TBC1D30: variants seen among roughly 807,000 people sequenced by gnomAD.
The protein encoded by TBC1D30 is TBC1 domain family, member 30.
A neutral mutation model predicts 63.2 loss-of-function variants in TBC1D30; 31 were observed. The ratio of observed to expected loss-of-function variants is 0.49; its 90% CI spans 0.37 to 0.66. TBC1D30 has a LOEUF of 0.66. Ranked by LOEUF, TBC1D30 falls within the 30% of genes least tolerant of loss-of-function variation. The probability of loss-of-function intolerance (pLI) is 0.00; values close to 1 mark genes in which losing one functional copy is unlikely to be tolerated. For synonymous variants in TBC1D30, 307 were observed against 361.5 expected (o/e 0.85, Z 1.71); for missense variants, 810 against 953.6 (o/e 0.85, Z 1.98).
At position 64,816,568 on chromosome 12, in the gene TBC1D30, G is replaced by A. The variant is rs185912591; in HGVS notation, c.644-11267G>A. ...TTAAATTGGTCTCAGAGAATTCTAG[G>A]GTTGGAAGCTGCTCTACTGGTATTG... is the stretch of plus-strand genomic sequence containing the variant. On this transcript the variant is annotated intron_variant, in intron 2 of 12. Coordinates refer to the TBC1D30 transcript ENST00000542120. 6.6e-3 allele frequency among the ~76,000 whole-genome samples: 1,001 copies of A among 152,258 alleles called. 7 individuals are homozygous for A. The highest frequency in any genetic ancestry group is 0.017 in the Middle Eastern group (5 of 294).
chr12:64,829,698 C>A (rs1874670811), intron 3 of TBC1D30, among the ~76,000 whole-genome samples: 2 of 152,282 alleles, frequency 1.3e-5, no homozygotes, highest in Admixed American at 1.3e-4. Context: ...AATACCAAAA[C>A]TTGAAATACA....
chr12:64,835,316 A>G (rs1042010368), intron 5 of TBC1D30, among the ~76,000 whole-genome samples: 3 of 152,132 alleles, frequency 2.0e-5, no homozygotes, highest in Non-Finnish European at 4.4e-5. Flanking sequence ...GTGACCCTGA[A>G]AAGTGGAAAT....
At chr12:64,796,142 A>AG (rs1216687019) in intron 2 of TBC1D30, among the ~76,000 whole-genome samples, 3 of 147,814 alleles carry the variant, frequency 2.0e-5, no homozygotes, top group African/African-American at 7.6e-5. Context: ...TAAAGTTAAG[A>AG]GTTTTTTTTT....
At chr12:64,782,771 C>T (rs181734716) in intron 1 of TBC1D30, among the ~76,000 whole-genome samples, 13 of 152,274 alleles carry the variant, frequency 8.5e-5, no homozygotes, top group Admixed American at 7.8e-4. Context: ...TGTAATAGTT[C>T]GTTTTGCCTG....
exon 1 of TBC1D30, chr12:64,780,774 A>G: frequency 2.0e-6 from 2 of 988,410 alleles, no homozygotes; most frequent in Non-Finnish European, 2.4e-6. Flanking sequence ...AGGCGGGAGG[A>G]GCAGCGGGAG....
chr12:64,842,504 T>G (rs182823253), intron 7 of TBC1D30, among the ~76,000 whole-genome samples: 452 of 152,340 alleles, frequency 3.0e-3, no homozygotes, highest in African/African-American at 0.01. Flanking sequence ...GATTCTTTAT[T>G]TACATGTAGA....
rs572586487 is a variant in TBC1D30 at position 64,880,275 on chromosome 12, C to G, written c.*4487C>G. ...GGGACTGGTACTGTAGGTATTGGGTCAGCTTTCATGCCGTTCCCTGCTGGC... is the reference window on the plus strand; with the variant it reads ...GGGACTGGTACTGTAGGTATTGGGTGAGCTTTCATGCCGTTCCCTGCTGGC... On this transcript the variant is annotated 3_prime_UTR_variant, in exon 12 of 12. Transcript: ENST00000539867. 16 of 152,426 alleles carry G rather than the reference C, an allele frequency of 1.0e-4. No individual in the cohort carries two copies. The highest frequency in any genetic ancestry group is 3.6e-4 in the African/African-American group (15 of 41,564). The allele number at this position is 152,426 out of a possible 1,614,324, so 9.4% of individuals were successfully genotyped here.
intron 2 of TBC1D30, among the ~76,000 whole-genome samples, chr12:64,801,757 A>G (rs1480180648): frequency 6.6e-6 from 1 of 152,252 alleles, no homozygotes; most frequent in African/African-American, 2.4e-5. Context: ...CATTCTAGTT[A>G]GAAAGACTGA....
chr12:64,828,040 G>T, intron 2 of TBC1D30, 144 bp downstream of exon 2: 1 of 675,470 alleles, frequency 1.5e-6, no homozygotes, highest in South Asian at 2.1e-5. Context: ...AGTAGCTTTT[G>T]AGCTACAAGT....
intron 2 of TBC1D30, among the ~76,000 whole-genome samples, chr12:64,793,742 A>G (rs1290087450): frequency 6.6e-6 from 1 of 152,198 alleles, no homozygotes; most frequent in African/African-American, 2.4e-5. Flanking sequence ...TCCTTCAGTT[A>G]GAAAGATGGT....
At chr12:64,859,284 C>T (rs1267039055) in intron 8 of TBC1D30, among the ~76,000 whole-genome samples, 1 of 152,088 alleles carries the variant, frequency 6.6e-6, no homozygotes, top group Non-Finnish European at 1.5e-5. Flanking sequence ...TCATGAAAGA[C>T]CACAATGCCT....
intron 2 of TBC1D30, among the ~76,000 whole-genome samples, chr12:64,798,372 T>C (rs1872400449): frequency 6.6e-6 from 1 of 152,226 alleles, no homozygotes; most frequent in Middle Eastern, 3.2e-3. Flanking sequence ...ATCTTTCCAA[T>C]ATAATCAGCT....
intron 8 of TBC1D30, 88 bp from the exon 9 acceptor site, chr12:64,864,580 C>T: frequency 1.1e-6 from 1 of 904,302 alleles, no homozygotes; most frequent in Non-Finnish European, 1.7e-6. Flanking sequence ...TCACACTCGA[C>T]TTCATAAAAC....
At position 64,838,806 on chromosome 12, in the gene TBC1D30, A is replaced by C; in HGVS notation, c.887A>C (p.Glu296Ala). Reference sequence around the variant, plus strand: ...GATTCAGTCTTCTTTGAAGGTTCAGAAATCATCCTAAGGGTGTCGCTGGCT... The same window carrying C: ...GATTCAGTCTTCTTTGAAGGTTCAGCAATCATCCTAAGGGTGTCGCTGGCT... The part of the protein sequence containing the change: ...IWDSVFFEGS[E>A]IILRVSLAIW... Residue 296 changes from glutamate to alanine, a missense_variant, in exon 7 of 12, where the codon GAA (glutamate) becomes GCA (alanine). Around this residue, in one of 4 missense-constraint regions of TBC1D30, gnomAD observed 83 missense variants for 121.5 expected, o/e 0.68. Transcript: ENST00000539867. 6.5e-7 allele frequency: 1 copy of C among 1,536,178 alleles called. No individual in the cohort carries two copies. The highest frequency in any genetic ancestry group is 8.7e-7 in the Non-Finnish European group (1 of 1,146,914).
rs189829589 is a variant in TBC1D30 at position 64,848,209 on chromosome 12, C to T, written c.1038+4724C>T. Among the ~76,000 whole-genome samples, 18 of 151,796 alleles carry T rather than the reference C, an allele frequency of 1.2e-4. No individual in the cohort carries two copies. In the East Asian group the frequency reaches 3.5e-3, roughly 29 times the overall value. ...GATGGAAGTATAGCTACTCCTGCTC[C>T]TTTTTTGCTTTCCATTGGCATGGAA... On this transcript the variant is annotated intron_variant, in intron 8 of 11. Transcript: ENST00000539867.
chr12:64,762,857 AT>A (rs1277621762), intron 1 of TBC1D30, among the ~76,000 whole-genome samples: 5 of 152,014 alleles, frequency 3.3e-5, no homozygotes, highest in African/African-American at 1.2e-4. Context: ...CAGAAAAATT[AT>A]TTTTCACCTC....
chr12:64,793,489 CAAAA>C (rs56138627), intron 2 of TBC1D30, among the ~76,000 whole-genome samples: 2 of 115,488 alleles, frequency 1.7e-5, no homozygotes, highest in Non-Finnish European at 1.8e-5. Context: ...ACCAAAAATA[CAAAA>C]AAAAAAAAAA....
chr12:64,824,287 A>C (rs1252841082), upstream of TBC1D30, among the ~76,000 whole-genome samples: 2 of 152,124 alleles, frequency 1.3e-5, no homozygotes, highest in East Asian at 3.9e-4. Context: ...TTCGGGCTGA[A>C]GCGTGTGCCT....
intron 8 of TBC1D30, among the ~76,000 whole-genome samples, chr12:64,845,090 T>C (rs1015044791): frequency 4.6e-5 from 7 of 152,244 alleles, no homozygotes; most frequent in Admixed American, 1.3e-4. Flanking sequence ...GGAGTGCAGA[T>C]ACTGTTTTGA....
Sources: gnomAD v4.1 joint callset for allele counts (sites outside exome capture counted in the v4.1 genomes callset) on GRCh38, gnomAD v4.1.1 for gene constraint, gnomAD v4.1.1 regional missense constraint, MANE v1.5 for transcripts, NCBI Gene and HGNC (gene_info 2026-07-23, HGNC 2026-07-21) for gene names.